Variants in TNFSF15 observed in about 807,000 individuals in gnomAD.
The protein encoded by TNFSF15 is TNF superfamily member 15, also known as tumor necrosis factor ligand superfamily member 15.
In TNFSF15, 15 loss-of-function variants were observed where a neutral mutation model predicts 26.4. The observed-to-expected ratio is 0.57, with a 90% CI of 0.38 to 0.87. The LOEUF is 0.87. TNFSF15 is among the 40% of genes least tolerant of loss of function. TNFSF15 has a pLI of 0.00. For missense variants in TNFSF15, 290 were observed against 306.1 expected (o/e 0.95, Z 0.39); for synonymous variants, 116 against 115.0 (o/e 1.01, Z -0.06).
At chr9:114,803,942 G>C (rs1218930911) in intron 1 of TNFSF15, among the ~76,000 whole-genome samples, 1 of 152,198 alleles carries the variant, frequency 6.6e-6, no homozygotes, top group Non-Finnish European at 1.5e-5. Flanking sequence ...TCTCAGCAAA[G>C]AGGCCCTTCT....
At chr9:114,793,658 G>A (rs1829638696) in intron 1 of TNFSF15, 90 bp from the exon 2 acceptor site, 4 of 1,258,436 alleles carry the variant, frequency 3.2e-6, no homozygotes, top group Non-Finnish European at 4.6e-6. Flanking sequence ...TGATTACAAA[G>A]CTTCTGCTGC....
chr9:114,793,687 G>T, intron 1 of TNFSF15, 119 bp from the exon 2 acceptor site: 2 of 884,334 alleles, frequency 2.3e-6, no homozygotes, highest in Non-Finnish European at 3.7e-6. Flanking sequence ...GGTACTCTGT[G>T]ATGAGGGAAA....
chr9:114,790,347 C>T lies in TNFSF15; in HGVS notation c.*105G>A. On this transcript the variant is annotated 3_prime_UTR_variant, in exon 4 of 4. Coordinates refer to ENST00000374045, the MANE Select transcript of TNFSF15 (RefSeq NM_005118.4). The stretch of plus-strand genomic sequence containing the variant: ...AAACCGTTGTCCCTGTGGAATGCCC[C>T]CTACTCCCGGCCCCAAGAAAACCCC... 8.4e-7 allele frequency: 1 copy of T among 1,187,936 alleles called. No individual in the cohort carries two copies. Among genetic ancestry groups the T allele is most frequent in the Non-Finnish European group, 1.2e-6 (1 of 844,312 alleles). 73.6% of individuals were successfully genotyped at this position (1,187,936 alleles called of 1,614,324 possible).
intron 1 of TNFSF15, among the ~76,000 whole-genome samples, chr9:114,804,627 AAAGGG>A (rs1457527631): frequency 2.0e-5 from 3 of 152,220 alleles, no homozygotes; most frequent in Non-Finnish European, 2.9e-5. Flanking sequence ...CTTGGTGGTC[AAAGGG>A]TCAAAGTCTG....
intron 1 of TNFSF15, among the ~76,000 whole-genome samples, chr9:114,800,718 C>A (rs1402698695): frequency 2.6e-5 from 4 of 152,190 alleles, no homozygotes; most frequent in African/African-American, 9.7e-5. Context: ...CTACCAGGTA[C>A]CATGCTAGAT....
intron 1 of TNFSF15, among the ~76,000 whole-genome samples, chr9:114,798,419 A>G (rs1487566658): frequency 6.6e-6 from 1 of 150,948 alleles, no homozygotes; most frequent in Non-Finnish European, 1.5e-5. Flanking sequence ...CAAACTAACC[A>G]TGGTCTGTTA....
At position 114,805,275 on chromosome 9, in the gene TNFSF15, C is replaced by T. The variant is rs555181658; in HGVS notation, c.210+528G>A. On this transcript the variant is annotated intron_variant, in intron 1 of 3. Transcript: ENST00000374045. ...CTATAGCATCATGTTGTTGTGAATTCATTAGCATATAAATAAAATCATAAT... is the reference window on the plus strand; with the variant it reads ...CTATAGCATCATGTTGTTGTGAATTTATTAGCATATAAATAAAATCATAAT... Among the ~76,000 whole-genome samples, 3 of 152,150 alleles carry T rather than the reference C, an allele frequency of 2.0e-5. No individual in the cohort carries two copies. In the South Asian group the frequency reaches 6.2e-4, roughly 32 times the overall value.
chr9:114,801,950 C>T (rs1189568588), intron 1 of TNFSF15, among the ~76,000 whole-genome samples: 1 of 152,152 alleles, frequency 6.6e-6, no homozygotes, highest in Non-Finnish European at 1.5e-5. Context: ...TTGTGCGCTT[C>T]CTGAGATATA....
At position 114,787,709 on chromosome 9, in the gene TNFSF15, A is replaced by T. The variant is rs1829529839; in HGVS notation, c.*2743T>A. 1 of 153,744 alleles carries T rather than the reference A, an allele frequency of 6.5e-6. No individual in the cohort carries two copies. Among genetic ancestry groups the T allele is most frequent in the Non-Finnish European group, 1.5e-5 (1 of 68,042 alleles). The allele number at this position is 153,744 out of a possible 1,614,324, so 9.5% of individuals were successfully genotyped here. A position where few individuals can be genotyped will look rare whatever the true frequency, so the allele number is the denominator to read the frequency against. ...TTGCTATGGAGATAATGCCTTGGGA[A>T]CAGAAGTTCTGACATGAGCCCTATT... is the stretch of plus-strand genomic sequence containing the variant. On this transcript the variant is annotated 3_prime_UTR_variant, in exon 4 of 4. Coordinates refer to ENST00000374045, the MANE Select transcript of TNFSF15 (RefSeq NM_005118.4).
chr9:114,795,916 G>A (rs1278725675), intron 1 of TNFSF15, among the ~76,000 whole-genome samples: 1 of 152,166 alleles, frequency 6.6e-6, no homozygotes, highest in African/African-American at 2.4e-5. Context: ...CAGTGATTTT[G>A]TTAGAGCCGG....
At chr9:114,792,679 C>G in intron 2 of TNFSF15, 1 of 1,138,664 alleles carries the variant, frequency 8.8e-7, no homozygotes, top group Non-Finnish European at 1.2e-6. Context: ...ACAAATGAAT[C>G]TTGGCCCCAT....
intron 3 of TNFSF15, 105 bp downstream of exon 3, chr9:114,792,302 T>C (rs1275247868): frequency 2.2e-6 from 3 of 1,374,712 alleles, no homozygotes; most frequent in African/African-American, 2.9e-5. Flanking sequence ...TACCAAGGAA[T>C]GTAGTTTTCA....
chr9:114,801,255 G>T (rs752302486), intron 1 of TNFSF15, among the ~76,000 whole-genome samples: 4 of 152,190 alleles, frequency 2.6e-5, no homozygotes, highest in Non-Finnish European at 5.9e-5. Flanking sequence ...TGGTCTCAGG[G>T]CACCTGGGCC....
intron 1 of TNFSF15, among the ~76,000 whole-genome samples, chr9:114,794,984 T>C (rs1829656321): frequency 6.6e-6 from 1 of 152,172 alleles, no homozygotes; most frequent in South Asian, 2.1e-4. Flanking sequence ...GTATGGTGAC[T>C]ATATTTAGGA....
intron 1 of TNFSF15, among the ~76,000 whole-genome samples, chr9:114,803,098 G>A (rs564540254): frequency 6.6e-6 from 1 of 152,196 alleles, no homozygotes; most frequent in Non-Finnish European, 1.5e-5. Context: ...TAGCCCAGGT[G>A]CCTTCCTTCC....
At chr9:114,798,261 G>C (rs1829697768) in intron 1 of TNFSF15, among the ~76,000 whole-genome samples, 1 of 152,082 alleles carries the variant, frequency 6.6e-6, no homozygotes, top group African/African-American at 2.4e-5. Flanking sequence ...GAGATGGGAT[G>C]CTTGCTCCCA....
chr9:114,797,238 C>T (rs1297854706), intron 1 of TNFSF15, among the ~76,000 whole-genome samples: 4 of 152,214 alleles, frequency 2.6e-5, no homozygotes, highest in African/African-American at 9.6e-5. Context: ...GAGCTGTGGA[C>T]ACATTTCCCT....
At chr9:114,791,026 A>C in intron 3 of TNFSF15, 120 bp from the exon 4 acceptor site, 1 of 936,602 alleles carries the variant, frequency 1.1e-6, no homozygotes, top group Non-Finnish European at 1.6e-6. Context: ...ACAGCTAAAA[A>C]CTGCTTTGGG....
At chr9:114,793,363 GC>G (rs1181480956) in intron 2 of TNFSF15, among the ~76,000 whole-genome samples, 162 bp downstream of exon 2, 15 of 152,142 alleles carry the variant, frequency 9.9e-5, no homozygotes, top group Non-Finnish European at 1.8e-4. Context: ...GTGCCATTTT[GC>G]CTTCTTAGTG....
Sources: allele counts gnomAD v4.1 joint callset (sites outside exome capture counted in the v4.1 genomes callset), GRCh38; gene constraint gnomAD v4.1.1; transcripts MANE v1.5; gene names NCBI Gene and HGNC (gene_info 2026-07-23, HGNC 2026-07-21).